Variants in UBR1 observed in about 807,000 individuals in gnomAD.
The protein encoded by UBR1 is E3 ubiquitin-protein ligase UBR1.
In UBR1, 102 loss-of-function variants were observed where a neutral mutation model predicts 242.1. That is an observed-to-expected ratio of 0.42 (90% CI 0.36 to 0.50). The LOEUF is 0.50. UBR1 is among the 20% of genes least tolerant of loss of function. UBR1 has a pLI of 0.01. For missense variants in UBR1, 1,772 were observed against 2,101.8 expected, an observed-to-expected ratio of 0.84 and a Z score of 3.07; for synonymous variants, 675 against 684.8, an observed-to-expected ratio of 0.99 and a Z score of 0.22.
At chr15:42,976,625 G>A (rs961177852) in intron 39 of UBR1, 92 bp downstream of exon 39, 11 of 1,472,254 alleles carry the variant, frequency 7.5e-6, no homozygotes, top group Non-Finnish European at 1.0e-5. Flanking sequence ...ACAGAACCTA[G>A]AAATACATTA....
At chr15:43,002,332 G>GC (rs2032738382) in intron 32 of UBR1, among the ~76,000 whole-genome samples, 1 of 151,922 alleles carries the variant, frequency 6.6e-6, no homozygotes, top group African/African-American at 2.4e-5. Context: ...TCCCACCTCA[G>GC]CCCCCTCAAG....
At chr15:43,073,906 C>T (rs975186314) in intron 4 of UBR1, among the ~76,000 whole-genome samples, 6 of 152,134 alleles carry the variant, frequency 3.9e-5, no homozygotes, top group African/African-American at 1.4e-4. Flanking sequence ...AACATATGTG[C>T]CCTACAGGTG....
At chr15:43,068,120 A>C in intron 5 of UBR1, 84 bp from the exon 6 acceptor site, 1 of 931,650 alleles carries the variant, frequency 1.1e-6, no homozygotes, top group Non-Finnish European at 1.6e-6. Flanking sequence ...CAAAATTAAT[A>C]CATAACATCT....
intron 6 of UBR1, among the ~76,000 whole-genome samples, chr15:43,061,954 G>A (rs990470285): frequency 1.3e-5 from 2 of 151,568 alleles, no homozygotes; most frequent in African/African-American, 4.9e-5. Flanking sequence ...CAATAACCTA[G>A]GGAAAAAATG....
chr15:43,059,146 A>C lies in UBR1; in HGVS notation c.1032T>G (p.Pro344=). The change falls in exon 9 of 47, where the codon CCT becomes CCG. Residue 344 remains proline (P), a synonymous_variant. Transcript: ENST00000290650. ...TTATGAGACAGGGATTCTCCGAGTC[A>C]GGTTCTTCTCTAAGGCATGCTTGGC... ...IFCQACLREE[P]DSENPCLISR... The C allele has an allele frequency of 6.2e-7, 1 of 1,614,160 alleles. No homozygotes were observed. The highest frequency in any genetic ancestry group is 2.2e-5 in the East Asian group (1 of 44,884).
chr15:43,036,943 T>C (rs1192120293), intron 17 of UBR1, among the ~76,000 whole-genome samples: 1 of 151,866 alleles, frequency 6.6e-6, no homozygotes, highest in African/African-American at 2.4e-5. Context: ...TTTAATTTCA[T>C]TTTAAGTTCC....
intron 6 of UBR1, among the ~76,000 whole-genome samples, chr15:43,066,262 T>C (rs1475084712): frequency 6.6e-6 from 1 of 152,158 alleles, no homozygotes; most frequent in African/African-American, 2.4e-5. Flanking sequence ...TGTTTGTCAA[T>C]AATCAGATGG....
At chr15:43,105,289 T>G (rs2034283306) in intron 1 of UBR1, among the ~76,000 whole-genome samples, 1 of 152,214 alleles carries the variant, frequency 6.6e-6, no homozygotes, top group Non-Finnish European at 1.5e-5. Context: ...TCAAATTTGT[T>G]CACTATCTGT....
intron 14 of UBR1, among the ~76,000 whole-genome samples, chr15:43,045,126 TG>T (rs1040673986): frequency 2.6e-5 from 4 of 151,958 alleles, no homozygotes; most frequent in African/African-American, 9.7e-5. Flanking sequence ...AAATGCAAGT[TG>T]GAAGTAGAAG....
intron 4 of UBR1, among the ~76,000 whole-genome samples, chr15:43,073,158 C>CA (rs780624441): frequency 9.7e-4 from 146 of 151,118 alleles, no homozygotes; most frequent in Admixed American, 1.7e-3. Flanking sequence ...CTCAAAAAAA[C>CA]AAAAAAAACA....
intron 6 of UBR1, among the ~76,000 whole-genome samples, chr15:43,061,834 A>G (rs1367379598): frequency 6.6e-6 from 1 of 152,152 alleles, no homozygotes; most frequent in Non-Finnish European, 1.5e-5. Context: ...GAAGAGGGAT[A>G]AAAGACTACA....
Position 42,965,274 on chromosome 15 carries a change from A to G in UBR1, c.4591+879T>C, listed in dbSNP as rs76116217. Among the ~76,000 whole-genome samples the G allele has an allele frequency of 2.7e-3, 413 of 152,230 alleles. 19 individuals carry two copies. In the East Asian group the frequency reaches 0.063, roughly 23 times the overall value. ...AGGAAGAATCTCAGCAATTTTGATGACTCTTCCAAAATCATATAAATATTC... is the reference window on the plus strand; with the variant it reads ...AGGAAGAATCTCAGCAATTTTGATGGCTCTTCCAAAATCATATAAATATTC... On this transcript the variant is annotated intron_variant, in intron 41 of 46. Transcript: ENST00000290650.
intron 1 of UBR1, among the ~76,000 whole-genome samples, chr15:43,091,342 G>C (rs1409367520): frequency 6.6e-6 from 1 of 152,158 alleles, no homozygotes; most frequent in Non-Finnish European, 1.5e-5. Context: ...CAAAGGAAAT[G>C]CTCATTGTAA....
intron 39 of UBR1, among the ~76,000 whole-genome samples, chr15:42,971,971 G>A (rs1165231792): frequency 2.6e-5 from 4 of 151,986 alleles, no homozygotes; most frequent in Non-Finnish European, 4.4e-5. Flanking sequence ...TCAACATTTG[G>A]CACCAGTGTT....
intron 34 of UBR1, 69 bp downstream of exon 34, chr15:42,989,961 G>T: frequency 9.3e-7 from 1 of 1,081,080 alleles, no homozygotes; most frequent in Non-Finnish European, 1.4e-6. Context: ...AAAGATGGAA[G>T]CCTACACTGT....
intron 44 of UBR1, among the ~76,000 whole-genome samples, chr15:42,954,208 A>G (rs192552081): frequency 1.3e-5 from 2 of 152,226 alleles, no homozygotes. Flanking sequence ...TAATGCCTGG[A>G]AGATAATATC....
intron 1 of UBR1, among the ~76,000 whole-genome samples, chr15:43,087,640 G>A (rs2034053673): frequency 6.6e-6 from 1 of 152,006 alleles, no homozygotes; most frequent in Admixed American, 6.6e-5. Context: ...ATTCTCTAAA[G>A]GGCAATTTGT....
At chr15:43,014,574 C>A (rs962056515) in intron 29 of UBR1, among the ~76,000 whole-genome samples, 1 of 151,754 alleles carries the variant, frequency 6.6e-6, no homozygotes, top group Non-Finnish European at 1.5e-5. Context: ...GGCCGCGACC[C>A]CGTCTGGGAG....
intron 15 of UBR1, among the ~76,000 whole-genome samples, chr15:43,039,937 CAT>C: frequency 6.6e-6 from 1 of 152,218 alleles, no homozygotes; most frequent in South Asian, 2.1e-4. Context: ...TGGAGATAAT[CAT>C]GTGGTTTTTG....
Sources: gnomAD v4.1 joint callset for allele counts (sites outside exome capture counted in the v4.1 genomes callset) on GRCh38, gnomAD v4.1.1 for gene constraint, MANE v1.5 for transcripts, NCBI Gene and HGNC (gene_info 2026-07-23, HGNC 2026-07-21) for gene names.